Variants in WDR88 observed in about 807,000 individuals in gnomAD.
The protein encoded by WDR88 is WD repeat domain 88.
In WDR88, 40 loss-of-function variants were observed where a neutral mutation model predicts 46.8. The ratio of observed to expected loss-of-function variants is 0.86; its 90% CI spans 0.66 to 1.11. WDR88 has a LOEUF of 1.11. Among genes scored for constraint, WDR88 ranks in the 50% most tolerant of loss-of-function variants. The probability of loss-of-function intolerance (pLI) is 0.00; values close to 1 mark genes in which losing one functional copy is unlikely to be tolerated. For missense variants in WDR88, 562 were observed against 602.4 expected (o/e 0.93, Z 0.70); for synonymous variants, 235 against 240.7 (o/e 0.98, Z 0.22).
chr19:33,160,315 A>C, intron 7 of WDR88, 99 bp from the exon 8 acceptor site: 1 of 1,154,844 alleles, frequency 8.7e-7, no homozygotes, highest in Non-Finnish European at 1.3e-6. Flanking sequence ...TGTCAGAGTG[A>C]GATGAGGTGG....
intron 1 of WDR88, among the ~76,000 whole-genome samples, chr19:33,134,542 T>G (rs574804824): frequency 1.3e-5 from 2 of 151,452 alleles, no homozygotes; most frequent in East Asian, 2.0e-4. Context: ...ATGAGAGAGA[T>G]AACCCAAACC....
intron 10 of WDR88, 71 bp downstream of exon 10, chr19:33,172,511 G>T: frequency 1.5e-6 from 2 of 1,361,668 alleles, no homozygotes; most frequent in Non-Finnish European, 2.0e-6. Flanking sequence ...TTTATCATTT[G>T]AATGAACTTT....
chr19:33,168,066 C>A (rs1428933792), intron 9 of WDR88, among the ~76,000 whole-genome samples: 1 of 149,652 alleles, frequency 6.7e-6, no homozygotes, highest in Admixed American at 6.8e-5. Flanking sequence ...CTTGCTCTGT[C>A]ACCCAGGCTG....
intron 1 of WDR88, among the ~76,000 whole-genome samples, chr19:33,135,072 T>G (rs1287949379): frequency 2.0e-5 from 3 of 150,822 alleles, no homozygotes; most frequent in Non-Finnish European, 4.4e-5. Flanking sequence ...GGGTGACATC[T>G]TCAGGCTTCC....
chr19:33,140,543 A>G (rs1279421107), intron 2 of WDR88, among the ~76,000 whole-genome samples: 1 of 152,184 alleles, frequency 6.6e-6, no homozygotes, highest in Non-Finnish European at 1.5e-5. Flanking sequence ...TAATCCCAGC[A>G]CTTTGGGAGG....
At chr19:33,163,992 T>A (rs1485625198) in intron 8 of WDR88, among the ~76,000 whole-genome samples, 1 of 150,994 alleles carries the variant, frequency 6.6e-6, no homozygotes, top group Non-Finnish European at 1.5e-5. Context: ...TTTTTAGATA[T>A]GGGACCTCAC....
At chr19:33,137,316 C>T (rs538663276) in intron 1 of WDR88, among the ~76,000 whole-genome samples, 18 of 149,578 alleles carry the variant, frequency 1.2e-4, no homozygotes, top group Non-Finnish European at 2.4e-4. Flanking sequence ...TGCAGTGGTG[C>T]AATCTTGGCT....
At chr19:33,134,757 C>T (rs995716332) in intron 1 of WDR88, among the ~76,000 whole-genome samples, 59 of 152,054 alleles carry the variant, frequency 3.9e-4, no homozygotes, top group Admixed American at 1.2e-3. Flanking sequence ...ACGGAGCCCG[C>T]GTTCCAGTGT....
At chr19:33,145,753 C>T (rs1244641957) in intron 3 of WDR88, among the ~76,000 whole-genome samples, 1 of 151,616 alleles carries the variant, frequency 6.6e-6, no homozygotes, top group Non-Finnish European at 1.5e-5. Flanking sequence ...AGGCTGTTCT[C>T]GAACTCTTGA....
chr19:33,134,803 A>C (rs2145356913), intron 1 of WDR88, among the ~76,000 whole-genome samples: 1 of 146,936 alleles, frequency 6.8e-6, no homozygotes, highest in African/African-American at 2.5e-5. Flanking sequence ...GCGGGGTATC[A>C]TCTCATCCCC....
chr19:33,165,717 G>A (rs544448523), intron 9 of WDR88, among the ~76,000 whole-genome samples: 227 of 150,444 alleles, frequency 1.5e-3, no homozygotes, highest in African/African-American at 5.4e-3. Context: ...ACGTGGTGAA[G>A]CCCCGTCTTT....
chr19:33,157,722 TATATATATATATATAAAA>T (rs1973787086), intron 7 of WDR88, among the ~76,000 whole-genome samples: 1 of 58,754 alleles, frequency 1.7e-5, no homozygotes, highest in African/African-American at 1.3e-4. Flanking sequence ...TATATATATA[TATATATATATATATAAAA>T]TTAAAGAGGT....
rs369136566 is a variant in WDR88, at chr19:33,170,428, C to T, written c.1150-1920C>T. 3.1e-4 allele frequency among the ~76,000 whole-genome samples: 47 copies of T among 152,072 alleles called. No homozygotes were observed. In the East Asian group the frequency reaches 7.9e-3, roughly 26 times the overall value. On this transcript the variant is annotated intron_variant, in intron 9 of 10. Coordinates refer to ENST00000355868, the MANE Select transcript of WDR88 (RefSeq NM_173479.4). ...CTCCTGGCCTTAAGTGATTCGACCG[C>T]GTTGGCCTCCCAATGTGCTAGGATT...
intron 2 of WDR88, among the ~76,000 whole-genome samples, chr19:33,144,317 A>C (rs750487999): frequency 2.0e-5 from 3 of 152,148 alleles, no homozygotes; most frequent in Non-Finnish European, 4.4e-5. Context: ...CTCCTGCCTC[A>C]GCCTCATGAA....
chr19:33,155,777 T>C (rs1478048189), intron 6 of WDR88, among the ~76,000 whole-genome samples: 1 of 152,234 alleles, frequency 6.6e-6, no homozygotes, highest in East Asian at 1.9e-4. Flanking sequence ...TGTGCCCCAG[T>C]GGACATTTGA....
At position 33,151,290 on chromosome 19, in the gene WDR88, C is replaced by G. The variant is rs149013243; in HGVS notation, c.789C>G (p.Ala263=). Residue 263 remains alanine (A), a synonymous_variant, in exon 6 of 11, where the codon GCC becomes GCG. Transcript: ENST00000355868. Reference sequence around the variant, plus strand: ...AGATCTGGGATGTTACATCCCAGGCCACGCTGCTCACCATCACTAAGTGAG... The same window carrying G: ...AGATCTGGGATGTTACATCCCAGGCGACGCTGCTCACCATCACTAAGTGAG... ...CIKIWDVTSQ[A]TLLTITKAHS... 2,284 of 1,613,410 alleles carry G rather than the reference C, an allele frequency of 1.4e-3. 7 individuals carry two copies. The highest frequency in any genetic ancestry group is 1.3e-3 in the Non-Finnish European group (1,485 of 1,179,826).
At position 33,132,116 on chromosome 19, in the gene WDR88, C is replaced by T; in HGVS notation, c.-54C>T. ...TGCGGGCGCGGGCGCGGGCGCGCGGCGCCACCGTTCCCATCCAGGCTTGTC... is the reference window on the plus strand; with the variant it reads ...TGCGGGCGCGGGCGCGGGCGCGCGGTGCCACCGTTCCCATCCAGGCTTGTC... On this transcript the variant is annotated 5_prime_UTR_variant, in exon 1 of 11. Coordinates refer to ENST00000355868, the MANE Select transcript of WDR88 (RefSeq NM_173479.4). 5 of 1,479,120 alleles carry T rather than the reference C, an allele frequency of 3.4e-6. No individual in the cohort carries two copies. The highest frequency in any genetic ancestry group is 2.4e-5 in the East Asian group (1 of 40,830). 91.6% of individuals were successfully genotyped at this position (1,479,120 alleles called of 1,614,324 possible).
intron 9 of WDR88, among the ~76,000 whole-genome samples, chr19:33,169,899 T>C (rs895507387): frequency 6.6e-6 from 1 of 152,180 alleles, no homozygotes; most frequent in Non-Finnish European, 1.5e-5. Context: ...ATTTTTGAGA[T>C]GGAGTTTCTC....
intron 8 of WDR88, among the ~76,000 whole-genome samples, chr19:33,163,357 A>G: frequency 6.6e-6 from 1 of 151,238 alleles, no homozygotes; most frequent in East Asian, 2.0e-4. Flanking sequence ...TTAGCTGGGC[A>G]TGGTGATGGG....
Sources: allele counts gnomAD v4.1 joint callset (sites outside exome capture counted in the v4.1 genomes callset), GRCh38; gene constraint gnomAD v4.1.1; transcripts MANE v1.5; gene names NCBI Gene and HGNC (gene_info 2026-07-23, HGNC 2026-07-21).